The following RBFOX1 variants were observed in gnomAD, a reference collection of about 807,000 sequenced individuals.
The protein encoded by RBFOX1 is RNA binding fox-1 homolog 1, also known as RNA binding protein fox-1 homolog 1.
In RBFOX1, 8 loss-of-function variants were observed where a neutral mutation model predicts 57.7. That is an observed-to-expected ratio of 0.14 (90% CI 0.08 to 0.25). RBFOX1 has a LOEUF of 0.25. Among genes scored for constraint, RBFOX1 ranks in the 10% least tolerant of loss-of-function variants. The pLI is 1.00. For missense variants in RBFOX1, 611 were observed against 548.5 expected (o/e 1.11, Z -1.14); for synonymous variants, 326 against 222.4 (o/e 1.47, Z -4.15).
intron 1 of RBFOX1, among the ~76,000 whole-genome samples, chr16:5,284,618 T>C (rs1355691208): frequency 6.6e-6 from 1 of 150,924 alleles, no homozygotes. Flanking sequence ...CATAGCTCAC[T>C]GCAGCCTTGA....
At chr16:5,876,132 C>T (rs756384776) in intron 4 of RBFOX1, among the ~76,000 whole-genome samples, 24 of 152,188 alleles carry the variant, frequency 1.6e-4, no homozygotes, top group Admixed American at 2.6e-4. Flanking sequence ...TGTGAACCAC[C>T]GCGCCCGGCC....
intron 4 of RBFOX1, among the ~76,000 whole-genome samples, chr16:7,396,855 C>T (rs1471495078): frequency 1.3e-5 from 2 of 152,142 alleles, no homozygotes; most frequent in East Asian, 3.8e-4. Flanking sequence ...GCATGGGAAT[C>T]ACTTAAACCC....
chr16:5,859,017 C>T (rs2057143238), intron 3 of RBFOX1, among the ~76,000 whole-genome samples: 1 of 152,166 alleles, frequency 6.6e-6, no homozygotes, highest in Non-Finnish European at 1.5e-5. Flanking sequence ...GAGTTCAAGC[C>T]TGCATGGTGA....
intron 4 of RBFOX1, among the ~76,000 whole-genome samples, chr16:7,445,983 C>T (rs1307978867): frequency 2.0e-5 from 3 of 152,142 alleles, no homozygotes; most frequent in African/African-American, 4.8e-5. Context: ...TTTCAAGAGT[C>T]GGGGATCTTC....
At chr16:5,504,274 C>T (rs1281880040) in intron 2 of RBFOX1, among the ~76,000 whole-genome samples, 4 of 152,256 alleles carry the variant, frequency 2.6e-5, no homozygotes, top group Non-Finnish European at 4.4e-5. Flanking sequence ...GAGCAGGCCG[C>T]CTCCCAGGAC....
intron 2 of RBFOX1, among the ~76,000 whole-genome samples, chr16:6,608,091 C>T (rs925938315): frequency 8.5e-5 from 13 of 152,162 alleles, no homozygotes; most frequent in African/African-American, 3.1e-4. Context: ...GAGACAATGT[C>T]TCATAGCACC....
chr16:6,424,730 A>G (rs539981712), intron 2 of RBFOX1, among the ~76,000 whole-genome samples: 2 of 152,254 alleles, frequency 1.3e-5, no homozygotes, highest in South Asian at 4.1e-4. Context: ...TCAATGTTCA[A>G]CTATAGGGAT....
chr16:7,575,381 G>A (rs568279009), intron 5 of RBFOX1, among the ~76,000 whole-genome samples: 3 of 152,110 alleles, frequency 2.0e-5, no homozygotes, highest in East Asian at 1.9e-4. Flanking sequence ...GATCTGCCCC[G>A]CTCAGCCTCC....
chr16:6,548,220 C>G (rs1330319423), intron 2 of RBFOX1, among the ~76,000 whole-genome samples: 1 of 152,080 alleles, frequency 6.6e-6, no homozygotes, highest in Admixed American at 6.6e-5. Flanking sequence ...CTCCATCAGT[C>G]TTGTAAACTT....
chr16:6,131,330 C>T (rs985790948), intron 1 of RBFOX1, among the ~76,000 whole-genome samples: 1 of 152,212 alleles, frequency 6.6e-6, no homozygotes, highest in Non-Finnish European at 1.5e-5. Flanking sequence ...CTTTGCTGTA[C>T]TGATTTATCT....
intron 3 of RBFOX1, among the ~76,000 whole-genome samples, chr16:6,829,359 A>C (rs191152953): frequency 6.6e-6 from 1 of 152,054 alleles, no homozygotes; most frequent in Non-Finnish European, 1.5e-5. Context: ...AGTAAATTCA[A>C]TGTGTACACA....
At chr16:6,739,201 A>T (rs1378461029) in intron 3 of RBFOX1, among the ~76,000 whole-genome samples, 4 of 152,036 alleles carry the variant, frequency 2.6e-5, no homozygotes, top group Non-Finnish European at 5.9e-5. Context: ...TTCTTTAAAA[A>T]TATAGAAGAA....
chr16:6,948,120 A>T (rs1038103849), intron 3 of RBFOX1, among the ~76,000 whole-genome samples: 1 of 152,076 alleles, frequency 6.6e-6, no homozygotes, highest in Non-Finnish European at 1.5e-5. Flanking sequence ...GAAGGAGTAG[A>T]AAACAATACA....
chr16:5,986,986 A>G (rs530031443), intron 4 of RBFOX1, among the ~76,000 whole-genome samples: 13 of 152,282 alleles, frequency 8.5e-5, no homozygotes, highest in African/African-American at 2.9e-4. Context: ...TTACATTCCT[A>G]GTGGCATTGT....
intron 3 of RBFOX1, among the ~76,000 whole-genome samples, chr16:6,796,000 G>A (rs768022521): frequency 4.5e-4 from 68 of 151,994 alleles, no homozygotes; most frequent in Non-Finnish European, 7.9e-4. Context: ...AAATATCATG[G>A]TTACTGTATT....
chr16:7,136,678 A>G (rs1379270106), intron 4 of RBFOX1, among the ~76,000 whole-genome samples: 2 of 152,006 alleles, frequency 1.3e-5, no homozygotes, highest in Non-Finnish European at 2.9e-5. Context: ...TGGCCTCCCA[A>G]AGTGTTGGGA....
intron 1 of RBFOX1, among the ~76,000 whole-genome samples, chr16:5,273,753 A>C (rs1330515408): frequency 1.3e-5 from 2 of 152,174 alleles, no homozygotes; most frequent in Non-Finnish European, 1.5e-5. Context: ...GTCTTGATAT[A>C]GCAGATGGCC....
intron 3 of RBFOX1, among the ~76,000 whole-genome samples, chr16:5,798,771 C>A (rs1194171370): frequency 6.6e-6 from 1 of 152,182 alleles, no homozygotes; most frequent in East Asian, 1.9e-4. Context: ...ATGCCAGAGT[C>A]AAAAATTATG....
chr16:6,256,186 C>T lies in RBFOX1; in HGVS notation c.-126-60809C>T, dbSNP rs77712830. Among the ~76,000 whole-genome samples the T allele has an allele frequency of 4.5e-3, 165 of 36,518 alleles. 15 individuals are homozygous for T. Among genetic ancestry groups the T allele is most frequent in the Middle Eastern group, 0.011 (1 of 90 alleles). The allele number at this position is 36,518 out of a possible 152,430, so 24.0% of individuals were successfully genotyped here. A position where few individuals can be genotyped will look rare whatever the true frequency, so the allele number is the denominator to read the frequency against. ...ATATATATATGTATATATATATATA[C>T]GTATATATATGTATATGTATATGTG... On this transcript the variant is annotated intron_variant, in intron 1 of 15. Transcript: ENST00000550418.
Sources: allele counts gnomAD v4.1 joint callset (sites outside exome capture counted in the v4.1 genomes callset), GRCh38; gene constraint gnomAD v4.1.1; transcripts MANE v1.5; gene names NCBI Gene and HGNC (gene_info 2026-07-23, HGNC 2026-07-21).